Variants in MSH4 observed in about 807,000 individuals in gnomAD.
MSH4 encodes mutS protein homolog 4.
Under a neutral mutation model 113.7 loss-of-function variants are expected in MSH4, and 106 were observed. The ratio of observed to expected loss-of-function variants is 0.93; its 90% CI spans 0.80 to 1.10. MSH4 has a LOEUF of 1.10. MSH4 is among the 50% of genes least tolerant of loss of function. MSH4 has a pLI of 0.00. For synonymous variants in MSH4, 368 were observed against 380.2 expected, an observed-to-expected ratio of 0.97 and a Z score of 0.37; for missense variants, 1,061 against 1,093.7, an observed-to-expected ratio of 0.97 and a Z score of 0.42.
chr1:75,854,972 G>A (rs1167907845), intron 8 of MSH4, among the ~76,000 whole-genome samples: 3 of 151,884 alleles, frequency 2.0e-5, no homozygotes, highest in African/African-American at 7.3e-5. Context: ...ATAGAAAAAT[G>A]CAATGCAGTT....
chr1:75,854,011 G>GTATA (rs72458089), intron 8 of MSH4, among the ~76,000 whole-genome samples: 33,728 of 112,026 alleles, frequency 0.3, 5,220 homozygotes, highest in Middle Eastern at 0.37. Context: ...AAGTGTGTGT[G>GTATA]TGTATATATA....
chr1:75,834,323 C>T (rs890597083), intron 7 of MSH4, among the ~76,000 whole-genome samples: 3 of 152,174 alleles, frequency 2.0e-5, no homozygotes, highest in African/African-American at 7.2e-5. Flanking sequence ...TGCTTTTACA[C>T]TGTTGGTGGG....
intron 8 of MSH4, 95 bp from the exon 9 acceptor site, chr1:75,867,418 TG>T: frequency 1.4e-6 from 1 of 707,840 alleles, no homozygotes; most frequent in Non-Finnish European, 2.4e-6. Flanking sequence ...TAAAAATATA[TG>T]GGATATGGAA....
chr1:75,867,926 A>G (rs1651624332), intron 9 of MSH4, among the ~76,000 whole-genome samples: 1 of 152,124 alleles, frequency 6.6e-6, no homozygotes, highest in South Asian at 2.1e-4. Flanking sequence ...TATGTATCCC[A>G]TACTCAAATT....
At chr1:75,912,328 C>T (rs1197982189) in intron 19 of MSH4, among the ~76,000 whole-genome samples, 2 of 151,954 alleles carry the variant, frequency 1.3e-5, no homozygotes, top group Admixed American at 6.6e-5. Context: ...TTTTCCCATA[C>T]CTTTTTAATG....
At chr1:75,850,634 G>T (rs79938025) in intron 8 of MSH4, among the ~76,000 whole-genome samples, 1,975 of 152,168 alleles carry the variant, frequency 0.013, 43 homozygotes, top group African/African-American at 0.045. Flanking sequence ...TGCTGTTGTT[G>T]GTTGGAGCGT....
intron 8 of MSH4, among the ~76,000 whole-genome samples, chr1:75,862,282 G>A (rs1335053876): frequency 2.0e-5 from 3 of 152,168 alleles, no homozygotes; most frequent in Admixed American, 2.0e-4. Context: ...CACCCTCCGT[G>A]GGCTGTACCC....
intron 15 of MSH4, among the ~76,000 whole-genome samples, chr1:75,886,598 T>C (rs1374144684): frequency 1.6e-5 from 2 of 122,710 alleles, no homozygotes; most frequent in East Asian, 4.5e-4. Flanking sequence ...TAATGTATTA[T>C]ATATTATATA....
chr1:75,798,171 A>C lies in MSH4; in HGVS notation c.244+942A>C, dbSNP rs1166071783. Reference sequence around the variant, plus strand: ...GAAACAGAGTCTCGCTATGCTGCCCATGCTGGTCTCAAACTCCTGGTCTCA... The same window carrying C: ...GAAACAGAGTCTCGCTATGCTGCCCCTGCTGGTCTCAAACTCCTGGTCTCA... On this transcript the variant is annotated intron_variant, in intron 1 of 19. Coordinates refer to ENST00000263187, the MANE Select transcript of MSH4 (RefSeq NM_002440.4). Among the ~76,000 whole-genome samples the C allele has an allele frequency of 2.6e-5, 4 of 152,292 alleles. No homozygotes were observed. The South Asian group carries it at 8.3e-4, about 32-fold the overall frequency.
At chr1:75,861,781 A>C (rs1245789792) in intron 8 of MSH4, among the ~76,000 whole-genome samples, 3 of 152,216 alleles carry the variant, frequency 2.0e-5, no homozygotes, top group African/African-American at 7.2e-5. Context: ...CCATGCTGGG[A>C]GAACCACTGC....
At chr1:75,878,714 C>T (rs373172864) in intron 11 of MSH4, among the ~76,000 whole-genome samples, 13 of 151,668 alleles carry the variant, frequency 8.6e-5, no homozygotes, top group South Asian at 8.3e-4. Flanking sequence ...CCAGCTACTC[C>T]GGAGGCTGAG....
intron 8 of MSH4, among the ~76,000 whole-genome samples, chr1:75,852,647 A>G (rs564765208): frequency 6.6e-4 from 101 of 152,150 alleles, no homozygotes; most frequent in African/African-American, 2.4e-3. Flanking sequence ...TTACATGCTT[A>G]TTGGCCATTT....
chr1:75,809,629 CTTTTTTTTTTTT>C (rs35082709), intron 3 of MSH4, among the ~76,000 whole-genome samples: 2 of 96,046 alleles, frequency 2.1e-5, no homozygotes, highest in Non-Finnish European at 4.2e-5. Flanking sequence ...CATAGTTACC[CTTTTTTTTTTTT>C]TTTTTTTTTG....
intron 1 of MSH4, among the ~76,000 whole-genome samples, chr1:75,802,667 A>C (rs1180835068): frequency 6.6e-6 from 1 of 152,226 alleles, no homozygotes; most frequent in Admixed American, 6.5e-5. Flanking sequence ...AAATTCAATG[A>C]AGAAATTAAC....
chr1:75,904,011 T>A (rs1571000883), intron 19 of MSH4, among the ~76,000 whole-genome samples: 1 of 152,296 alleles, frequency 6.6e-6, no homozygotes, highest in East Asian at 1.9e-4. Flanking sequence ...TTGTAATGTA[T>A]GTCCTTTATT....
At chr1:75,905,698 A>G (rs1184710326) in intron 19 of MSH4, among the ~76,000 whole-genome samples, 2 of 152,072 alleles carry the variant, frequency 1.3e-5, no homozygotes, top group East Asian at 1.9e-4. Flanking sequence ...CTTTATATCT[A>G]TGAATTTTTG....
chr1:75,799,182 A>G (rs1649882059), intron 1 of MSH4, among the ~76,000 whole-genome samples: 1 of 152,230 alleles, frequency 6.6e-6, no homozygotes, highest in African/African-American at 2.4e-5. Context: ...ATTTATCAGT[A>G]ATGATAACAT....
rs536350819 is a variant in MSH4, at chr1:75,863,310, T to G, written c.1231-4204T>G. ...TAAGCAATTACAGCATAGTATTATCTAGAACTGCAAGGGATCTGAGATTCT... is the reference window on the plus strand; with the variant it reads ...TAAGCAATTACAGCATAGTATTATCGAGAACTGCAAGGGATCTGAGATTCT... On this transcript the variant is annotated intron_variant, in intron 8 of 19. Coordinates refer to ENST00000263187, the MANE Select transcript of MSH4 (RefSeq NM_002440.4). 9.8e-5 allele frequency among the ~76,000 whole-genome samples: 15 copies of G among 152,298 alleles called. No homozygotes were observed. The East Asian group carries it at 2.9e-3, about 29-fold the overall frequency.
intron 7 of MSH4, among the ~76,000 whole-genome samples, chr1:75,845,160 T>G (rs1177639339): frequency 2.0e-5 from 3 of 152,210 alleles, no homozygotes; most frequent in Admixed American, 2.0e-4. Flanking sequence ...ATGCATGAAC[T>G]TTGGGGACAC....
Sources: allele counts gnomAD v4.1 joint callset (sites outside exome capture counted in the v4.1 genomes callset), GRCh38; gene constraint gnomAD v4.1.1; transcripts MANE v1.5; gene names NCBI Gene and HGNC (gene_info 2026-07-23, HGNC 2026-07-21).